SNTG2: variants seen among roughly 807,000 people sequenced by gnomAD.
SNTG2 encodes the protein syntrophin gamma 2.
In SNTG2, 74 loss-of-function variants were observed where a neutral mutation model predicts 70.9. The observed-to-expected ratio is 1.04, with a 90% CI of 0.86 to 1.27. The LOEUF is 1.27. Among genes scored for constraint, SNTG2 ranks in the 50% most tolerant of loss-of-function variants. The pLI, the probability that SNTG2 is intolerant of heterozygous loss-of-function variation, is 0.00. For missense variants in SNTG2, 717 were observed against 690.7 expected, an observed-to-expected ratio of 1.04 and a Z score of -0.43; for synonymous variants, 278 against 273.8, an observed-to-expected ratio of 1.02 and a Z score of -0.15.
intron 16 of SNTG2, among the ~76,000 whole-genome samples, chr2:1,318,235 T>G (rs1681376691): frequency 6.6e-6 from 1 of 152,202 alleles, no homozygotes; most frequent in South Asian, 2.1e-4. Context: ...TTTTAAAAAA[T>G]AGACTCATGA....
chr2:1,039,447 T>G (rs1446612321), intron 1 of SNTG2, among the ~76,000 whole-genome samples: 2 of 152,244 alleles, frequency 1.3e-5, no homozygotes, highest in Non-Finnish European at 2.9e-5. Context: ...TCTTTGTGAC[T>G]TATTTCAGCA....
At chr2:1,362,535 T>C (rs1193331991) in intron 16 of SNTG2, among the ~76,000 whole-genome samples, 5 of 151,628 alleles carry the variant, frequency 3.3e-5, no homozygotes, top group African/African-American at 1.2e-4. Context: ...TCCGTGAAAG[T>C]CACCAATGCT....
intron 14 of SNTG2, among the ~76,000 whole-genome samples, chr2:1,285,167 T>C (rs1679717202): frequency 6.6e-6 from 1 of 152,040 alleles, no homozygotes. Flanking sequence ...ATCTAGACTT[T>C]TCATGTTTTT....
chr2:1,070,488 C>G (rs537174324), intron 1 of SNTG2, among the ~76,000 whole-genome samples: 50 of 152,284 alleles, frequency 3.3e-4, no homozygotes, highest in African/African-American at 1.2e-3. Flanking sequence ...CGACATAATA[C>G]ATGCTACTCA....
chr2:1,146,042 G>T (rs1019827054), intron 6 of SNTG2, among the ~76,000 whole-genome samples: 1 of 152,054 alleles, frequency 6.6e-6, no homozygotes, highest in African/African-American at 2.4e-5. Flanking sequence ...CAGTAGAGAA[G>T]GACCTCCTTA....
chr2:1,363,139 T>G (rs1661293965), intron 16 of SNTG2, among the ~76,000 whole-genome samples: 1 of 80,130 alleles, frequency 1.2e-5, no homozygotes, highest in African/African-American at 4.6e-5. Context: ...ACCCCCCCCA[T>G]GAAAGAGGAA....
chr2:1,300,853 T>A (rs890799381), intron 14 of SNTG2, among the ~76,000 whole-genome samples: 1 of 152,210 alleles, frequency 6.6e-6, no homozygotes, highest in African/African-American at 2.4e-5. Context: ...GCTATTGTCC[T>A]ATAAAAAGCT....
chr2:1,050,239 CT>C (rs1431236185), intron 1 of SNTG2, among the ~76,000 whole-genome samples: 1 of 152,150 alleles, frequency 6.6e-6, no homozygotes, highest in African/African-American at 2.4e-5. Flanking sequence ...ACAATTACAA[CT>C]TTTCCCCTTC....
In SNTG2 at chr2:1,221,428, T is replaced by TCTCTCTCTGTCTCTGCCTCTGC. The variant is rs1674803762; in HGVS notation, c.719+12213_719+12214insCCTCTGCCTCTCTCTGTCTCTG. On this transcript the variant is annotated intron_variant, in intron 9 of 16. Transcript: ENST00000308624. ...CTCTCAGTCTCTGGTTTTGTCTCTG[T>TCTCTCTCTGTCTCTGCCTCTGC]CTCTCTCTGTCTCTGTCTCTGTCTC... Among the ~76,000 whole-genome samples the TCTCTCTCTGTCTCTGCCTCTGC allele has an allele frequency of 1.3e-5, 2 of 150,406 alleles. 1 individual carries two copies. Among genetic ancestry groups the TCTCTCTCTGTCTCTGCCTCTGC allele is most frequent in the African/African-American group, 4.9e-5 (2 of 40,654 alleles).
At chr2:1,358,466 T>G (rs1558230067) in intron 16 of SNTG2, among the ~76,000 whole-genome samples, 1 of 152,266 alleles carries the variant, frequency 6.6e-6, no homozygotes, top group Non-Finnish European at 1.5e-5. Context: ...ATTTGAAATC[T>G]TTTTTAACAT....
At chr2:1,154,524 G>T (rs1053510113) in intron 6 of SNTG2, among the ~76,000 whole-genome samples, 2 of 152,122 alleles carry the variant, frequency 1.3e-5, no homozygotes, top group Non-Finnish European at 2.9e-5. Flanking sequence ...CACAATGTAG[G>T]CCGGATAAAA....
At chr2:1,002,507 A>G (rs1389633705) in intron 1 of SNTG2, among the ~76,000 whole-genome samples, 1 of 152,148 alleles carries the variant, frequency 6.6e-6, no homozygotes, top group Non-Finnish European at 1.5e-5. Flanking sequence ...TTAATGCTGA[A>G]CGACACTGAT....
intron 13 of SNTG2, among the ~76,000 whole-genome samples, chr2:1,260,776 C>T (rs1258608645): frequency 6.6e-6 from 1 of 152,152 alleles, no homozygotes; most frequent in Non-Finnish European, 1.5e-5. Flanking sequence ...ATCACATTTC[C>T]ACAGAAGAAT....
chr2:1,082,729 C>T (rs924838366), intron 1 of SNTG2, among the ~76,000 whole-genome samples: 29 of 152,340 alleles, frequency 1.9e-4, no homozygotes, highest in South Asian at 6.2e-4. Flanking sequence ...TCCTGTGGGA[C>T]GCCCAAGCCC....
intron 4 of SNTG2, among the ~76,000 whole-genome samples, chr2:1,105,702 C>T (rs964924727): frequency 6.6e-6 from 1 of 152,198 alleles, no homozygotes; most frequent in African/African-American, 2.4e-5. Flanking sequence ...CCTCAGGACC[C>T]TGCTGCCCCT....
intron 1 of SNTG2, among the ~76,000 whole-genome samples, chr2:1,032,953 G>A (rs536414434): frequency 1.1e-4 from 17 of 152,130 alleles, no homozygotes; most frequent in East Asian, 1.9e-4. Flanking sequence ...TCTTCCAATC[G>A]CGGCAGAATG....
chr2:1,154,718 G>A (rs371816454), intron 6 of SNTG2, among the ~76,000 whole-genome samples: 1 of 152,102 alleles, frequency 6.6e-6, no homozygotes, highest in South Asian at 2.1e-4. Context: ...GTGTAAATGA[G>A]ATTAATTCCC....
intron 12 of SNTG2, among the ~76,000 whole-genome samples, chr2:1,257,961 T>C (rs932215594): frequency 3.9e-5 from 6 of 152,106 alleles, no homozygotes; most frequent in Non-Finnish European, 5.9e-5. Context: ...GGGTTTTTTT[T>C]CCCCTTTATA....
At chr2:1,314,218 C>T (rs73179416) in intron 15 of SNTG2, among the ~76,000 whole-genome samples, 3,178 of 152,292 alleles carry the variant, frequency 0.021, 112 homozygotes, top group African/African-American at 0.073. Flanking sequence ...CTCACAGAGT[C>T]GTTTGTTGCT....
Sources: gnomAD v4.1 joint callset for allele counts (sites outside exome capture counted in the v4.1 genomes callset) on GRCh38, gnomAD v4.1.1 for gene constraint, MANE v1.5 for transcripts, NCBI Gene and HGNC (gene_info 2026-07-23, HGNC 2026-07-21) for gene names.